DDX10: variants seen among roughly 807,000 people sequenced by gnomAD.
The protein encoded by DDX10 is probable ATP-dependent RNA helicase DDX10.
DDX10 carries 74 observed loss-of-function variants against 104.3 expected under a neutral mutation model. The ratio of observed to expected loss-of-function variants is 0.71; its 90% CI spans 0.59 to 0.86. The LOEUF (loss-of-function observed/expected upper bound fraction) is 0.86, where lower values mean the gene tolerates loss of function less well. DDX10 is among the 40% of genes least tolerant of loss of function. DDX10 has a pLI of 0.00. For missense variants in DDX10, 952 were observed against 1,040.0 expected (o/e 0.92, Z 1.16); for synonymous variants, 351 against 353.4 (o/e 0.99, Z 0.08).
chr11:108,860,658 G>A (rs1862928823), intron 16 of DDX10: 1 of 152,096 alleles, frequency 6.6e-6, no homozygotes. Flanking sequence ...TGATTCTTGT[G>A]CCTTACCCTC....
intron 1 of DDX10, among the ~76,000 whole-genome samples, chr11:108,667,967 C>G (rs960353551): frequency 6.6e-6 from 1 of 152,192 alleles, no homozygotes; most frequent in African/African-American, 2.4e-5. Context: ...CAGTGATACA[C>G]TCGTCTTTGC....
intron 13 of DDX10, among the ~76,000 whole-genome samples, chr11:108,723,991 G>A (rs556509133): frequency 8.5e-5 from 13 of 152,116 alleles, no homozygotes; most frequent in African/African-American, 2.6e-4. Context: ...TTGTTTCTCC[G>A]TAGCCATCTT....
chr11:108,879,499 TC>T (rs1250756700), intron 16 of DDX10, among the ~76,000 whole-genome samples: 1 of 152,182 alleles, frequency 6.6e-6, no homozygotes, highest in Admixed American at 6.6e-5. Flanking sequence ...TCTACATTGC[TC>T]CCACTGATAA....
intron 10 of DDX10, among the ~76,000 whole-genome samples, chr11:108,710,477 C>A (rs1232075581): frequency 6.6e-6 from 1 of 151,534 alleles, no homozygotes; most frequent in Non-Finnish European, 1.5e-5. Context: ...GGAGCCTAGG[C>A]CTACACAGGG....
chr11:108,706,073 G>A (rs537921283), intron 9 of DDX10, among the ~76,000 whole-genome samples: 1 of 152,034 alleles, frequency 6.6e-6, no homozygotes, highest in African/African-American at 2.4e-5. Flanking sequence ...CTGGGTTGAA[G>A]CAATTCTCCT....
chr11:108,675,737 T>G lies in DDX10; in HGVS notation c.378+11T>G. On this transcript the variant is annotated intron_variant, in intron 3 of 17. Coordinates refer to ENST00000322536, the MANE Select transcript of DDX10 (RefSeq NM_004398.4). ...GCTTTTCTTGTTCCAGTAAGTACAT[T>G]GTCATTGGGTCAGACTGTCTGTTAT... 6.2e-7 allele frequency: 1 copy of G among 1,613,950 alleles called. No homozygotes were observed.
Position 108,679,533 on chromosome 11 carries a change from T to C in DDX10, c.821T>C (p.Val274Ala). The C allele has an allele frequency of 6.2e-7, 1 of 1,606,128 alleles. No individual in the cohort carries two copies. The highest frequency in any genetic ancestry group is 1.1e-5 in the South Asian group (1 of 89,148). ...TTGAGTTTGAAAAACCCTGAGTATG[T>C]CTGGGTTCATGAAAAAGCAAAATAT... ...ARLSLKNPEY[V>A]WVHEKAKYST... Residue 274 changes from valine (V) to alanine (A), a missense_variant, in exon 6 of 18, where the codon GTC becomes GCC. By Grantham distance (64) the Val-to-Ala change is moderately conservative. Around this residue, in one of 3 missense-constraint regions of DDX10, gnomAD observed 412 missense variants for 479.2 expected, o/e 0.86. Coordinates refer to ENST00000322536, the MANE Select transcript of DDX10 (RefSeq NM_004398.4).
chr11:108,923,005 G>A (rs1863854660), intron 17 of DDX10, among the ~76,000 whole-genome samples: 1 of 152,088 alleles, frequency 6.6e-6, no homozygotes, highest in South Asian at 2.1e-4. Context: ...ATGTTCTCTG[G>A]CTTTTTTACT....
intron 16 of DDX10, among the ~76,000 whole-genome samples, chr11:108,857,970 G>A (rs1159742860): frequency 6.6e-6 from 1 of 152,112 alleles, no homozygotes; most frequent in East Asian, 1.9e-4. Flanking sequence ...AACCATAGGC[G>A]GATACAGAAT....
At chr11:108,933,503 T>C (rs1230403449) in intron 17 of DDX10, among the ~76,000 whole-genome samples, 2 of 152,226 alleles carry the variant, frequency 1.3e-5, no homozygotes, top group Non-Finnish European at 2.9e-5. Context: ...TTAGATATTA[T>C]TGCAAAGAAC....
At chr11:108,835,493 G>A (rs1862541867) in intron 13 of DDX10, among the ~76,000 whole-genome samples, 1 of 152,212 alleles carries the variant, frequency 6.6e-6, no homozygotes, top group Admixed American at 6.5e-5. Context: ...CCTTGAGTGA[G>A]TTGTCCAGGT....
chr11:108,672,338 C>T (rs372714362), intron 1 of DDX10, among the ~76,000 whole-genome samples: 7 of 152,240 alleles, frequency 4.6e-5, no homozygotes, highest in East Asian at 1.9e-4. Context: ...GATAATACCA[C>T]GAGTGCTAGA....
intron 15 of DDX10, among the ~76,000 whole-genome samples, chr11:108,842,921 C>A (rs903951603): frequency 6.6e-6 from 1 of 152,206 alleles, no homozygotes; most frequent in African/African-American, 2.4e-5. Context: ...TCACCCTCTT[C>A]CCCTTCCTTG....
intron 16 of DDX10, among the ~76,000 whole-genome samples, chr11:108,895,865 G>C (rs763873997): frequency 3.3e-5 from 5 of 152,068 alleles, no homozygotes; most frequent in Non-Finnish European, 5.9e-5. Flanking sequence ...TTATCAGCCT[G>C]CTGCCCAGAA....
chr11:108,788,083 A>T (rs950885339), intron 13 of DDX10, among the ~76,000 whole-genome samples: 2 of 152,160 alleles, frequency 1.3e-5, no homozygotes, highest in African/African-American at 4.8e-5. Context: ...TTTCTCCTGC[A>T]TCTTGATGCG....
At chr11:108,754,318 A>G (rs1403029523) in intron 13 of DDX10, among the ~76,000 whole-genome samples, 1 of 152,026 alleles carries the variant, frequency 6.6e-6, no homozygotes, top group Non-Finnish European at 1.5e-5. Context: ...CAGTGTCCTC[A>G]TAGTATTTAT....
intron 13 of DDX10, among the ~76,000 whole-genome samples, chr11:108,802,541 A>G (rs1274112170): frequency 6.6e-6 from 1 of 152,188 alleles, no homozygotes. Context: ...TTTCCCTCAG[A>G]TACGTGCCAT....
Position 108,730,483 on chromosome 11 carries a change from A to G in DDX10, c.1965+7021A>G, listed in dbSNP as rs546095976. On this transcript the variant is annotated intron_variant, in intron 13 of 17. Transcript: ENST00000322536. ...AGGGCCTGGTACAATGACTAGTGCA[A>G]ATTTCACAAATATTTTGTGAATGAG... is the stretch of plus-strand genomic sequence containing the variant. 1.4e-4 allele frequency among the ~76,000 whole-genome samples: 21 copies of G among 152,322 alleles called. 1 individual carries two copies. Among genetic ancestry groups the G allele is most frequent in the Admixed American group, 9.2e-4 (14 of 15,300 alleles).
chr11:108,765,300 C>A (rs1263376221), intron 13 of DDX10, among the ~76,000 whole-genome samples: 2 of 152,084 alleles, frequency 1.3e-5, no homozygotes, highest in Non-Finnish European at 2.9e-5. Context: ...CCATTCTGTC[C>A]CTCCCTTGGA....
Sources: allele counts gnomAD v4.1 joint callset (sites outside exome capture counted in the v4.1 genomes callset), GRCh38; gene constraint gnomAD v4.1.1; regional missense constraint gnomAD v4.1.1; transcripts MANE v1.5; gene names NCBI Gene and HGNC (gene_info 2026-07-23, HGNC 2026-07-21).